SUSD6: variants seen among roughly 807,000 people sequenced by gnomAD.
SUSD6 encodes sushi domain containing 6.
SUSD6 carries 16 observed loss-of-function variants against 28.4 expected under a neutral mutation model. The observed-to-expected ratio is 0.56, with a 90% CI of 0.38 to 0.86. The LOEUF is 0.86. SUSD6 is among the 40% of genes least tolerant of loss of function. The probability of loss-of-function intolerance (pLI) is 0.00; values close to 1 mark genes in which losing one functional copy is unlikely to be tolerated. For synonymous variants in SUSD6, 147 were observed against 159.6 expected, an observed-to-expected ratio of 0.92 and a Z score of 0.59; for missense variants, 341 against 384.2, an observed-to-expected ratio of 0.89 and a Z score of 0.94.
intron 1 of SUSD6, among the ~76,000 whole-genome samples, chr14:69,619,892 C>T (rs766903491): frequency 6.6e-6 from 1 of 152,226 alleles, no homozygotes; most frequent in Non-Finnish European, 1.5e-5. Context: ...AGCTGTGTCT[C>T]GACTTCCTTG....
chr14:69,696,286 G>A (rs2139640932), intron 2 of SUSD6, among the ~76,000 whole-genome samples: 1 of 152,330 alleles, frequency 6.6e-6, no homozygotes, highest in South Asian at 2.1e-4. Context: ...GTAAAGTGGA[G>A]AAAATATAGT....
At chr14:69,616,753 A>G (rs1265091111) in intron 1 of SUSD6, among the ~76,000 whole-genome samples, 1 of 152,190 alleles carries the variant, frequency 6.6e-6, no homozygotes, top group Non-Finnish European at 1.5e-5. Flanking sequence ...TGTTTTTTCC[A>G]TCTTCAGATG....
At chr14:69,670,386 C>CA in intron 2 of SUSD6, 1 of 444,532 alleles carries the variant, frequency 2.2e-6, no homozygotes, top group Non-Finnish European at 4.6e-6. Flanking sequence ...CCATGTGATA[C>CA]ATGCTATAAT....
chr14:69,622,410 C>T (rs543713707), intron 1 of SUSD6, among the ~76,000 whole-genome samples: 20 of 152,046 alleles, frequency 1.3e-4, no homozygotes, highest in South Asian at 8.3e-4. Context: ...TCAAGTGATC[C>T]GCCTGCCTCA....
intron 2 of SUSD6, chr14:69,670,545 T>C (rs1885815314): frequency 2.2e-6 from 1 of 456,316 alleles, no homozygotes; most frequent in South Asian, 1.5e-5. Flanking sequence ...CAAGGTGGCA[T>C]AGTCAGGTGA....
intron 1 of SUSD6, among the ~76,000 whole-genome samples, chr14:69,619,900 T>C (rs970659931): frequency 6.6e-6 from 1 of 152,216 alleles, no homozygotes; most frequent in African/African-American, 2.4e-5. Flanking sequence ...CTCGACTTCC[T>C]TGGGCTTATT....
chr14:69,640,613 A>G (rs1782475767), intron 1 of SUSD6, among the ~76,000 whole-genome samples: 1 of 152,218 alleles, frequency 6.6e-6, no homozygotes, highest in Admixed American at 6.5e-5. Flanking sequence ...CTGGGATTAC[A>G]GGCATGAGCC....
rs142754942 is a variant in SUSD6, at chr14:69,714,446, A to T, written c.*3467A>T. ...GCATCCTTACTCCTCACCCCCAAAG[A>T]AAAAAAAAAGGCCTAGCAGGGAAGC... On this transcript the variant is annotated 3_prime_UTR_variant, in exon 6 of 6. Transcript: ENST00000342745. 1 of 149,676 alleles carries T rather than the reference A, an allele frequency of 6.7e-6. No individual in the cohort carries two copies. The highest frequency in any genetic ancestry group is 1.5e-5 in the Non-Finnish European group (1 of 67,130). 9.3% of individuals were successfully genotyped at this position (149,676 alleles called of 1,614,324 possible).
At chr14:69,704,465 T>A in intron 3 of SUSD6, 139 bp from the exon 4 acceptor site, 1 of 753,800 alleles carries the variant, frequency 1.3e-6, no homozygotes, top group South Asian at 1.9e-5. Context: ...TTCTAAGCTG[T>A]TATTCCTGAA....
At chr14:69,676,177 C>T (rs1353929418) in intron 2 of SUSD6, among the ~76,000 whole-genome samples, 2 of 152,070 alleles carry the variant, frequency 1.3e-5, no homozygotes, top group Non-Finnish European at 2.9e-5. Flanking sequence ...AGGGAGGCTT[C>T]CCCAGAAGAG....
In SUSD6 at chr14:69,713,280, A is replaced by G. The variant is rs1886495051; in HGVS notation, c.*2301A>G. The G allele has an allele frequency of 6.6e-6, 1 of 152,212 alleles. No homozygotes were observed. Among genetic ancestry groups the G allele is most frequent in the Admixed American group, 6.5e-5 (1 of 15,280 alleles). 9.4% of individuals were successfully genotyped at this position (152,212 alleles called of 1,614,324 possible). ...GAAGCCTCTTTCCGCCCTGCCCTCC[A>G]CTAACAACACTGAGGAGCACAAGCC... On this transcript the variant is annotated 3_prime_UTR_variant, in exon 6 of 6. Transcript: ENST00000342745.
intron 1 of SUSD6, among the ~76,000 whole-genome samples, chr14:69,640,851 G>C (rs887198721): frequency 6.6e-6 from 1 of 152,170 alleles, no homozygotes; most frequent in Admixed American, 6.5e-5. Context: ...ATTGCTGTAA[G>C]ACTGGAATTA....
At chr14:69,652,213 G>A (rs1404785486) in intron 1 of SUSD6, among the ~76,000 whole-genome samples, 3 of 152,138 alleles carry the variant, frequency 2.0e-5, no homozygotes, top group African/African-American at 4.8e-5. Context: ...TGTAGAGGTC[G>A]AGACAGGCAG....
At chr14:69,695,385 C>G (rs560325663) in intron 2 of SUSD6, among the ~76,000 whole-genome samples, 1 of 152,334 alleles carries the variant, frequency 6.6e-6, no homozygotes, top group African/African-American at 2.4e-5. Flanking sequence ...GTGCTGTATC[C>G]AAAACCACAA....
chr14:69,633,633 T>G (rs1885226147), intron 1 of SUSD6, among the ~76,000 whole-genome samples: 1 of 152,270 alleles, frequency 6.6e-6, no homozygotes, highest in Admixed American at 6.5e-5. Context: ...CTGCAGCTTA[T>G]TCTTCCTTAT....
intron 2 of SUSD6, among the ~76,000 whole-genome samples, chr14:69,685,677 T>C (rs1485615929): frequency 6.6e-6 from 1 of 152,232 alleles, no homozygotes; most frequent in African/African-American, 2.4e-5. Context: ...ACCAAAGTGA[T>C]TCCGGGCCTT....
intron 1 of SUSD6, among the ~76,000 whole-genome samples, chr14:69,626,924 A>G (rs1467818895): frequency 1.3e-5 from 2 of 151,178 alleles, no homozygotes; most frequent in South Asian, 2.1e-4. Flanking sequence ...GCCTCAAGTG[A>G]TCCTCCTGCT....
At chr14:69,626,978 A>G (rs1308142213) in intron 1 of SUSD6, among the ~76,000 whole-genome samples, 5 of 151,896 alleles carry the variant, frequency 3.3e-5, no homozygotes, top group East Asian at 1.9e-4. Context: ...AGCCACTGCA[A>G]CTGGCCTGTC....
chr14:69,709,299 T>A (rs2139648934), intron 5 of SUSD6, among the ~76,000 whole-genome samples, 195 bp downstream of exon 5: 1 of 152,318 alleles, frequency 6.6e-6, no homozygotes, highest in African/African-American at 2.4e-5. Flanking sequence ...AGTGAGACTT[T>A]TCACTGACGC....
Sources: gnomAD v4.1 joint callset for allele counts (sites outside exome capture counted in the v4.1 genomes callset) on GRCh38, gnomAD v4.1.1 for gene constraint, MANE v1.5 for transcripts, NCBI Gene and HGNC (gene_info 2026-07-23, HGNC 2026-07-21) for gene names.